The following AMPH variants were observed in gnomAD, a reference collection of about 807,000 sequenced individuals.
AMPH encodes the protein amphiphysin (Stiff-Mann syndrome with breast cancer 128kD autoantigen).
Under a neutral mutation model 99.1 loss-of-function variants are expected in AMPH, and 49 were observed. That is an observed-to-expected ratio of 0.49 (90% CI 0.39 to 0.63). The LOEUF is 0.63. AMPH is among the 20% of genes least tolerant of loss of function. AMPH has a pLI of 0.00. For missense variants in AMPH, 759 were observed against 863.4 expected (o/e 0.88, Z 1.52); for synonymous variants, 314 against 317.3 (o/e 0.99, Z 0.11).
At position 38,620,358 on chromosome 7, in the gene AMPH, G is replaced by C. The variant is rs553733648; in HGVS notation, c.69+10925C>G. 2.1e-5 allele frequency among the ~76,000 whole-genome samples: 3 copies of C among 143,422 alleles called. No individual in the cohort carries two copies. The South Asian group carries it at 6.5e-4, about 31-fold the overall frequency. 94.1% of individuals were successfully genotyped at this position (143,422 alleles called of 152,430 possible). A position where few individuals can be genotyped will look rare whatever the true frequency, so the allele number is the denominator to read the frequency against. Reference sequence around the variant, plus strand: ...TATATGTGTGTGTGTGTGTGTGTGTGTGTGTCTGTGTGTGTGTGTTAAAGA... The same window carrying C: ...TATATGTGTGTGTGTGTGTGTGTGTCTGTGTCTGTGTGTGTGTGTTAAAGA... On this transcript the variant is annotated intron_variant, in intron 1 of 20. Transcript: ENST00000356264.
At chr7:38,486,701 C>T (rs979962591) in intron 5 of AMPH, among the ~76,000 whole-genome samples, 2 of 151,922 alleles carry the variant, frequency 1.3e-5, no homozygotes, top group Non-Finnish European at 1.5e-5. Context: ...AAACTGAATT[C>T]GACAGCAGAT....
chr7:38,549,997 T>G (rs1457097487), intron 1 of AMPH, among the ~76,000 whole-genome samples: 1 of 152,250 alleles, frequency 6.6e-6, no homozygotes, highest in Non-Finnish European at 1.5e-5. Flanking sequence ...CTTAATATTT[T>G]ATTAGTGAGA....
chr7:38,408,501 C>T (rs1224619228), intron 17 of AMPH, among the ~76,000 whole-genome samples: 1 of 152,126 alleles, frequency 6.6e-6, no homozygotes, highest in Non-Finnish European at 1.5e-5. Context: ...GTGGCTCACG[C>T]TTGTAATCCC....
chr7:38,421,607 A>C (rs1425992481), intron 16 of AMPH, among the ~76,000 whole-genome samples: 1 of 152,238 alleles, frequency 6.6e-6, no homozygotes, highest in Admixed American at 6.5e-5. Context: ...CTTACTTAAA[A>C]TAGTTTAAAA....
At chr7:38,418,146 T>TTGACTAG in intron 16 of AMPH, 196 bp from the exon 17 acceptor site, 1 of 471,328 alleles carries the variant, frequency 2.1e-6, no homozygotes, top group Non-Finnish European at 3.6e-6. Context: ...AAAATCTTAT[T>TTGACTAG]AAGCTTCTGC....
intron 17 of AMPH, among the ~76,000 whole-genome samples, chr7:38,410,034 G>A (rs1390392237): frequency 6.6e-6 from 1 of 152,210 alleles, no homozygotes; most frequent in Non-Finnish European, 1.5e-5. Flanking sequence ...AGCCGCCGTG[G>A]ACAGCTTCAA....
At chr7:38,420,057 A>G (rs188648161) in intron 16 of AMPH, among the ~76,000 whole-genome samples, 183 of 152,326 alleles carry the variant, frequency 1.2e-3, no homozygotes, top group African/African-American at 4.0e-3. Context: ...AAGAGAACAT[A>G]GGATTGCTTA....
intron 20 of AMPH, 72 bp downstream of exon 20, chr7:38,389,732 A>G: frequency 8.8e-7 from 1 of 1,131,686 alleles, no homozygotes; most frequent in South Asian, 1.2e-5. Flanking sequence ...ATCTTTAGGA[A>G]GTGATTGTGT....
At chr7:38,462,823 C>G in intron 10 of AMPH, 152 bp downstream of exon 10, 1 of 853,184 alleles carries the variant, frequency 1.2e-6, no homozygotes, top group Non-Finnish European at 1.7e-6. Flanking sequence ...AGGTGGATAC[C>G]TTCATGACAA....
At chr7:38,564,002 C>A (rs1408251510) in intron 1 of AMPH, among the ~76,000 whole-genome samples, 4 of 152,178 alleles carry the variant, frequency 2.6e-5, no homozygotes, top group African/African-American at 9.7e-5. Context: ...ATCAATCATT[C>A]CCTTCTTGAC....
intron 1 of AMPH, among the ~76,000 whole-genome samples, chr7:38,589,114 A>G (rs1394101305): frequency 2.0e-5 from 3 of 152,222 alleles, no homozygotes; most frequent in African/African-American, 7.2e-5. Flanking sequence ...TCCAATTTCA[A>G]CTAATAAATT....
chr7:38,392,006 A>T lies in AMPH; in HGVS notation c.1620T>A (p.Ile540=). 4 of 1,605,606 alleles carry T rather than the reference A, an allele frequency of 2.5e-6. No individual in the cohort carries two copies. The highest frequency in any genetic ancestry group is 3.4e-6 in the Non-Finnish European group (4 of 1,179,918). ...AGGCAGGCTCTATGACCACCGAAGG[A>T]ATGACCTTCTCCTGGGGGAAGAAAA... ...LEATVPQEKV[I]PSVVIEPASN... Residue 540 remains isoleucine, a synonymous_variant, in exon 19 of 21, where the codon ATT becomes ATA. Coordinates refer to ENST00000356264, the MANE Select transcript of AMPH (RefSeq NM_001635.4).
chr7:38,414,306 T>C (rs1402461565), intron 17 of AMPH, among the ~76,000 whole-genome samples: 1 of 152,226 alleles, frequency 6.6e-6, no homozygotes, highest in Non-Finnish European at 1.5e-5. Flanking sequence ...CAATAATGTT[T>C]CATAATCCAG....
At chr7:38,468,804 A>G (rs1006678323) in intron 7 of AMPH, among the ~76,000 whole-genome samples, 3 of 152,218 alleles carry the variant, frequency 2.0e-5, no homozygotes, top group African/African-American at 7.2e-5. Context: ...TCATTCCACT[A>G]TAAGAGCATA....
intron 1 of AMPH, among the ~76,000 whole-genome samples, chr7:38,587,393 T>C (rs901728696): frequency 2.0e-5 from 3 of 152,172 alleles, no homozygotes; most frequent in Admixed American, 1.3e-4. Flanking sequence ...CAGGAGAAAC[T>C]GTCAGCTTAA....
chr7:38,613,213 G>A (rs1007684453), intron 1 of AMPH, among the ~76,000 whole-genome samples: 2 of 152,098 alleles, frequency 1.3e-5, no homozygotes, highest in African/African-American at 4.8e-5. Context: ...CAAATAAATT[G>A]TACCAAAATC....
chr7:38,390,227 C>A (rs41279573), intron 19 of AMPH, among the ~76,000 whole-genome samples: 12,750 of 152,078 alleles, frequency 0.084, 688 homozygotes, highest in Middle Eastern at 0.14. Context: ...AACTGGAACC[C>A]AAAATGTCTA....
At chr7:38,432,855 C>T (rs144709932) in intron 12 of AMPH, among the ~76,000 whole-genome samples, 273 of 152,248 alleles carry the variant, frequency 1.8e-3, no homozygotes, top group African/African-American at 6.1e-3. Flanking sequence ...GCAGAGCACC[C>T]CCTAAGACAT....
At chr7:38,445,010 T>TATATATATATATAGACACACAC (rs1458295332) in intron 11 of AMPH, among the ~76,000 whole-genome samples, 1 of 125,990 alleles carries the variant, frequency 7.9e-6, no homozygotes, top group Non-Finnish European at 1.7e-5. Flanking sequence ...TATATATATA[T>TATATATATATATAGACACACAC]ACACACACAC....
Sources: allele counts gnomAD v4.1 joint callset (sites outside exome capture counted in the v4.1 genomes callset), GRCh38; gene constraint gnomAD v4.1.1; transcripts MANE v1.5; gene names NCBI Gene and HGNC (gene_info 2026-07-23, HGNC 2026-07-21).